Variants in STARD13 observed in about 807,000 individuals in gnomAD.
STARD13 encodes the protein stAR-related lipid transfer protein 13.
STARD13 carries 62 observed loss-of-function variants against 106.4 expected under a neutral mutation model. That is an observed-to-expected ratio of 0.58 (90% confidence interval 0.48 to 0.72). The LOEUF (loss-of-function observed/expected upper bound fraction) is 0.72, where lower values mean the gene tolerates loss of function less well. Ranked by LOEUF, STARD13 falls within the 30% of genes least tolerant of loss-of-function variation. The pLI, the probability that STARD13 is intolerant of heterozygous loss-of-function variation, is 0.00. For synonymous variants in STARD13, 565 were observed against 553.0 expected (o/e 1.02, Z -0.31); for missense variants, 1,387 against 1,424.0 (o/e 0.97, Z 0.42).
intron 3 of STARD13, among the ~76,000 whole-genome samples, chr13:33,163,603 A>ATATATATATATATATATAT (rs1173342329): frequency 2.8e-4 from 36 of 126,740 alleles, no homozygotes; most frequent in East Asian, 9.4e-4. Context: ...AAAAAAAAAA[A>ATATATATATATATATATAT]AAATATATAT....
the STARD13 span, among the ~76,000 whole-genome samples, chr13:33,585,548 G>A: frequency 2.6e-5 from 4 of 152,078 alleles, no homozygotes; most frequent in Admixed American, 2.6e-4. Context: ...ACAAAAATTA[G>A]CAAGGTGTGG....
upstream of STARD13, among the ~76,000 whole-genome samples, chr13:33,288,411 C>T (rs562528160): frequency 2.6e-5 from 4 of 151,686 alleles, no homozygotes; most frequent in African/African-American, 9.7e-5. Flanking sequence ...GCTGAGACTC[C>T]AGGTGCACAC....
the STARD13 span, among the ~76,000 whole-genome samples, chr13:33,577,959 C>G: frequency 6.6e-6 from 1 of 152,020 alleles, no homozygotes; most frequent in Non-Finnish European, 1.5e-5. Flanking sequence ...ATATAAAGGT[C>G]TCTACAAGGA....
the STARD13 span, among the ~76,000 whole-genome samples, chr13:33,425,101 A>T: frequency 2.6e-5 from 4 of 152,222 alleles, no homozygotes; most frequent in African/African-American, 4.8e-5. Context: ...ATGAACAAAA[A>T]CTGTAGCCTC....
At chr13:33,614,624 A>G in the STARD13 span, among the ~76,000 whole-genome samples, 1 of 152,240 alleles carries the variant, frequency 6.6e-6, no homozygotes, top group Non-Finnish European at 1.5e-5. Flanking sequence ...TGCCATGAAA[A>G]AAACAAAACA....
intron 1 of STARD13, among the ~76,000 whole-genome samples, chr13:33,337,448 TA>T (rs2077909498): frequency 6.6e-6 from 1 of 152,216 alleles, no homozygotes; most frequent in African/African-American, 2.4e-5. Context: ...CAATACTTTT[TA>T]AAAAACTAAT....
chr13:33,292,085 A>G lies in STARD13; in HGVS notation c.124+58205T>C, dbSNP rs150503878. Reference sequence around the variant, plus strand: ...AAACAACTAACTGAATTTGGGGGAAAGGTAAAGTAAGGGCAGGAAAATAAT... The same window carrying G: ...AAACAACTAACTGAATTTGGGGGAAGGGTAAAGTAAGGGCAGGAAAATAAT... On this transcript the variant is annotated intron_variant, in intron 1 of 5. Coordinates refer to the STARD13 transcript ENST00000567873. Among the ~76,000 whole-genome samples, 11 of 152,272 alleles carry G rather than the reference A, an allele frequency of 7.2e-5. No homozygotes were observed. The East Asian group carries it at 2.1e-3, about 29-fold the overall frequency.
chr13:33,592,204 G>T, the STARD13 span, among the ~76,000 whole-genome samples: 1 of 152,130 alleles, frequency 6.6e-6, no homozygotes, highest in Non-Finnish European at 1.5e-5. Context: ...CCAGTGGATC[G>T]ATTTTCAAAT....
the STARD13 span, chr13:33,383,588 A>G: frequency 8.9e-6 from 1 of 112,114 alleles, no homozygotes; most frequent in Admixed American, 8.4e-5. Context: ...TACTAAAAAT[A>G]CAAAAAAAAA....
chr13:33,333,437 C>T (rs967954541), intron 1 of STARD13, among the ~76,000 whole-genome samples: 2 of 152,134 alleles, frequency 1.3e-5, no homozygotes, highest in Non-Finnish European at 2.9e-5. Flanking sequence ...CCATTTCCCT[C>T]CTCCCTCCAA....
At chr13:33,299,148 G>A (rs1892616020) in intron 1 of STARD13, among the ~76,000 whole-genome samples, 1 of 152,170 alleles carries the variant, frequency 6.6e-6, no homozygotes, top group Admixed American at 6.5e-5. Flanking sequence ...TGTAGCCTAG[G>A]AGCAATAGGC....
the STARD13 span, among the ~76,000 whole-genome samples, chr13:33,651,599 T>C: frequency 6.6e-6 from 1 of 152,240 alleles, no homozygotes; most frequent in Non-Finnish European, 1.5e-5. Flanking sequence ...TTTTAATCTC[T>C]GTTTCCCCAA....
chr13:33,203,164 C>T (rs1191024830), intron 1 of STARD13, among the ~76,000 whole-genome samples: 1 of 152,060 alleles, frequency 6.6e-6, no homozygotes, highest in Non-Finnish European at 1.5e-5. Context: ...CCAAGGCTGC[C>T]ATATTTCGAG....
At chr13:33,460,767 A>G in the STARD13 span, among the ~76,000 whole-genome samples, 2 of 152,198 alleles carry the variant, frequency 1.3e-5, no homozygotes, top group Non-Finnish European at 2.9e-5. Context: ...AAAATGAACA[A>G]CATCTTTCTT....
At chr13:33,648,115 C>T in the STARD13 span, among the ~76,000 whole-genome samples, 1 of 152,180 alleles carries the variant, frequency 6.6e-6, no homozygotes, top group East Asian at 1.9e-4. Context: ...GACAAACAAG[C>T]CTACATGACA....
the STARD13 span, among the ~76,000 whole-genome samples, chr13:33,428,973 A>T: frequency 6.6e-6 from 1 of 152,194 alleles, no homozygotes; most frequent in Non-Finnish European, 1.5e-5. Flanking sequence ...CTACAATGAG[A>T]TATCATCTTA....
chr13:33,108,600 C>T (rs671937), intron 12 of STARD13, among the ~76,000 whole-genome samples: 33,640 of 152,124 alleles, frequency 0.22, 3,979 homozygotes, highest in South Asian at 0.3. Flanking sequence ...TGCTGCATTC[C>T]CTTGGCATAC....
the STARD13 span, among the ~76,000 whole-genome samples, chr13:33,497,415 G>A: frequency 3.9e-5 from 6 of 152,110 alleles, no homozygotes; most frequent in Non-Finnish European, 8.8e-5. Context: ...CTATGATTAT[G>A]TCAACCTTGG....
intron 1 of STARD13, among the ~76,000 whole-genome samples, chr13:33,260,724 A>C (rs969495879): frequency 2.0e-5 from 3 of 152,202 alleles, no homozygotes; most frequent in African/African-American, 7.2e-5. Flanking sequence ...TGAAACCAAA[A>C]TTTACCTTAC....
Sources: allele counts gnomAD v4.1 joint callset (sites outside exome capture counted in the v4.1 genomes callset), GRCh38; gene constraint gnomAD v4.1.1; transcripts MANE v1.5; gene names NCBI Gene and HGNC (gene_info 2026-07-23, HGNC 2026-07-21).